PCDHA10: variants seen among roughly 807,000 people sequenced by gnomAD.
PCDHA10 encodes the protein protocadherin alpha-10.
PCDHA10 carries 45 observed loss-of-function variants against 61.2 expected under a neutral mutation model. That is an observed-to-expected ratio of 0.74 (90% CI 0.58 to 0.94). The LOEUF (loss-of-function observed/expected upper bound fraction) is 0.94. PCDHA10 is among the 40% of genes least tolerant of loss of function. The pLI is 0.00. For synonymous variants in PCDHA10, 602 were observed against 548.8 expected (o/e 1.10, Z -1.35); for missense variants, 1,278 against 1,236.2 (o/e 1.03, Z -0.51).
intron 3 of PCDHA10, among the ~76,000 whole-genome samples, chr5:140,985,666 A>G (rs547448150): frequency 1.3e-5 from 2 of 151,942 alleles, no homozygotes; most frequent in South Asian, 4.2e-4. Flanking sequence ...GAATAAAGGA[A>G]GTGGGGCCTG....
chr5:140,924,238 T>A (rs781820581), intron 1 of PCDHA10, among the ~76,000 whole-genome samples: 5 of 152,244 alleles, frequency 3.3e-5, no homozygotes, highest in Admixed American at 1.3e-4. Flanking sequence ...ATGGGCTGTT[T>A]TGCATCCTGG....
chr5:140,871,625 A>C (rs1360108001), intron 1 of PCDHA10: 1 of 1,403,018 alleles, frequency 7.1e-7, no homozygotes, highest in Non-Finnish European at 9.4e-7. Context: ...TTAGATAACA[A>C]TGTCTGTTCA....
At chr5:140,860,243 C>G (rs189216184) in intron 1 of PCDHA10, 1 of 151,206 alleles carries the variant, frequency 6.6e-6, no homozygotes, top group Non-Finnish European at 1.5e-5. Context: ...CATGGTGGTA[C>G]ATGCCTTTAG....
chr5:140,973,073 C>T (rs1372527958), intron 1 of PCDHA10, among the ~76,000 whole-genome samples: 1 of 151,988 alleles, frequency 6.6e-6, no homozygotes, highest in Non-Finnish European at 1.5e-5. Context: ...TCTCAGTGGG[C>T]CCAGCTGGCA....
chr5:140,971,210 C>G (rs192930872), intron 1 of PCDHA10, among the ~76,000 whole-genome samples: 383 of 152,274 alleles, frequency 2.5e-3, no homozygotes, highest in Non-Finnish European at 3.7e-3. Context: ...CACTGTTACC[C>G]TCCCTCTCCT....
intron 1 of PCDHA10, among the ~76,000 whole-genome samples, chr5:140,892,769 T>C (rs1182235195): frequency 6.6e-6 from 1 of 152,210 alleles, no homozygotes; most frequent in Non-Finnish European, 1.5e-5. Context: ...TCCACTCTTC[T>C]AGCTTCTTGA....
intron 1 of PCDHA10, among the ~76,000 whole-genome samples, chr5:140,947,620 T>C (rs1554218262): frequency 6.6e-6 from 1 of 151,706 alleles, no homozygotes; most frequent in African/African-American, 2.4e-5. Flanking sequence ...CTTAACAATA[T>C]TGAGTCATCA....
In PCDHA10 at chr5:140,907,883, G is replaced by A. The variant is rs374762446; in HGVS notation, c.2388+49447G>A. Among the ~76,000 whole-genome samples, 394 of 152,228 alleles carry A rather than the reference G, an allele frequency of 2.6e-3. 2 individuals carry two copies. Among genetic ancestry groups the A allele is most frequent in the African/African-American group, 9.2e-3 (382 of 41,542 alleles). ...CCAGCCGTTGGTGAGCACTCACATG[G>A]GATACAAATATCTTCACAGTTTTTG... On this transcript the variant is annotated intron_variant, in intron 1 of 3. Coordinates refer to ENST00000307360, the MANE Select transcript of PCDHA10 (RefSeq NM_018901.4).
rs371960819 is a variant in PCDHA10, at chr5:140,928,197, T to C, written c.2389-50752T>C. The C allele has an allele frequency of 1.9e-5, 30 of 1,614,192 alleles. 1 individual carries two copies. In the African/African-American group the frequency reaches 2.0e-4, roughly 11 times the overall value. On this transcript the variant is annotated intron_variant, in intron 1 of 3. Coordinates refer to ENST00000307360, the MANE Select transcript of PCDHA10 (RefSeq NM_018901.4). Reference sequence around the variant, plus strand: ...CCCGAAGGACAATCACTGTGTCAGTTGCTGATGTGAATGACAATACACCAA... The same window carrying C: ...CCCGAAGGACAATCACTGTGTCAGTCGCTGATGTGAATGACAATACACCAA...
chr5:140,963,666 ATAGT>A (rs1254219157), intron 1 of PCDHA10, among the ~76,000 whole-genome samples: 1 of 152,216 alleles, frequency 6.6e-6, no homozygotes, highest in African/African-American at 2.4e-5. Flanking sequence ...CCTATATGGC[ATAGT>A]TAAATGTGTT....
chr5:140,910,171 T>C (rs186096076), intron 1 of PCDHA10, among the ~76,000 whole-genome samples: 22 of 152,340 alleles, frequency 1.4e-4, no homozygotes, highest in Admixed American at 1.2e-3. Flanking sequence ...TGATCCTCTG[T>C]TTTTATAATT....
intron 1 of PCDHA10, among the ~76,000 whole-genome samples, chr5:140,939,634 G>C (rs1032922800): frequency 3.9e-5 from 6 of 152,066 alleles, no homozygotes; most frequent in African/African-American, 7.2e-5. Context: ...AATCAATAAG[G>C]GTACTGAAAA....
At chr5:140,934,547 C>A (rs2089905916) in intron 1 of PCDHA10, among the ~76,000 whole-genome samples, 1 of 152,124 alleles carries the variant, frequency 6.6e-6, no homozygotes, top group African/African-American at 2.4e-5. Flanking sequence ...CTAATTCTAT[C>A]ATTTCTTCTT....
chr5:140,988,097 C>T (rs2097282934), intron 3 of PCDHA10, among the ~76,000 whole-genome samples: 1 of 152,084 alleles, frequency 6.6e-6, no homozygotes, highest in Admixed American at 6.5e-5. Flanking sequence ...AGCCTCGGGC[C>T]TTGTTGGAGA....
At chr5:140,946,477 T>C (rs1223421073) in intron 1 of PCDHA10, among the ~76,000 whole-genome samples, 2 of 151,720 alleles carry the variant, frequency 1.3e-5, no homozygotes, top group Non-Finnish European at 2.9e-5. Flanking sequence ...ACTGGGTATA[T>C]ATCCAAAGGA....
At chr5:140,913,145 G>A (rs2076230074) in intron 1 of PCDHA10, among the ~76,000 whole-genome samples, 1 of 152,150 alleles carries the variant, frequency 6.6e-6, no homozygotes, top group Non-Finnish European at 1.5e-5. Context: ...TTTTGGAATA[G>A]TTTGAGTAGG....
intron 3 of PCDHA10, among the ~76,000 whole-genome samples, chr5:141,007,284 C>T (rs2098312696): frequency 6.6e-6 from 1 of 151,430 alleles, no homozygotes; most frequent in Admixed American, 6.6e-5. Context: ...GTGCAGTGGG[C>T]TCATGCCTGT....
intron 1 of PCDHA10, among the ~76,000 whole-genome samples, chr5:140,894,750 TTGTG>T (rs2064648260): frequency 6.6e-6 from 1 of 152,080 alleles, no homozygotes; most frequent in Admixed American, 6.5e-5. Context: ...ATTTTTTTTC[TTGTG>T]TGTATTTATT....
intron 1 of PCDHA10, among the ~76,000 whole-genome samples, chr5:140,879,613 T>C (rs2058057940): frequency 6.6e-6 from 1 of 152,200 alleles, no homozygotes; most frequent in Non-Finnish European, 1.5e-5. Context: ...TGTGTCCAGG[T>C]ACTTAGGTGG....
Sources: allele counts gnomAD v4.1 joint callset (sites outside exome capture counted in the v4.1 genomes callset), GRCh38; gene constraint gnomAD v4.1.1; transcripts MANE v1.5; gene names NCBI Gene and HGNC (gene_info 2026-07-23, HGNC 2026-07-21).